The following MYO3B variants were observed in gnomAD, a reference collection of about 807,000 sequenced individuals.
MYO3B encodes myosin-IIIb.
In MYO3B, 156 loss-of-function variants were observed where a neutral mutation model predicts 174.6. The ratio of observed to expected loss-of-function variants is 0.89; its 90% CI spans 0.78 to 1.02. The LOEUF is 1.02. Ranked by LOEUF, MYO3B falls within the 50% of genes least tolerant of loss-of-function variation. MYO3B has a pLI of 0.00. For missense variants in MYO3B, 1,632 were observed against 1,639.4 expected (o/e 1.00, Z 0.08); for synonymous variants, 563 against 569.1 (o/e 0.99, Z 0.15).
intron 32 of MYO3B, chr2:170,643,659 C>A (rs1376985747): frequency 1.3e-5 from 2 of 152,196 alleles, no homozygotes; most frequent in African/African-American, 4.8e-5. Context: ...CCTGAGAACG[C>A]CTCATCCACA....
In MYO3B at chr2:170,454,214, A is replaced by C. The variant is rs572276024; in HGVS notation, c.2731-9154A>C. Among the ~76,000 whole-genome samples, 10 of 152,300 alleles carry C rather than the reference A, an allele frequency of 6.6e-5. No homozygotes were observed. In the South Asian group the frequency reaches 2.1e-3, roughly 32 times the overall value. Reference sequence around the variant, plus strand: ...CCAGAATCTTCCTGATTGAGGAGAAATCTCTGGAACCAAGACTCTTCTTAC... The same window carrying C: ...CCAGAATCTTCCTGATTGAGGAGAACTCTCTGGAACCAAGACTCTTCTTAC... On this transcript the variant is annotated intron_variant, in intron 23 of 34. Coordinates refer to ENST00000408978, the MANE Select transcript of MYO3B (RefSeq NM_138995.5).
At chr2:170,319,382 A>G (rs1370399344) in intron 7 of MYO3B, among the ~76,000 whole-genome samples, 1 of 152,188 alleles carries the variant, frequency 6.6e-6, no homozygotes, top group Non-Finnish European at 1.5e-5. Context: ...TAATTGTTGA[A>G]ATGAAAAAAA....
At chr2:170,404,095 T>C (rs1234838057) in intron 19 of MYO3B, 152 bp from the exon 20 acceptor site, 1 of 731,244 alleles carries the variant, frequency 1.4e-6, no homozygotes, top group East Asian at 2.7e-5. Flanking sequence ...AATGGTGTTA[T>C]ATGCAGAAGA....
At chr2:170,332,366 G>A (rs1003201210) in intron 7 of MYO3B, 8 of 152,034 alleles carry the variant, frequency 5.3e-5, no homozygotes, top group Non-Finnish European at 1.0e-4. Context: ...GAAGAGAATA[G>A]GGAGAAAAAC....
Position 170,236,144 on chromosome 2 carries a change from A to T in MYO3B, c.749+8A>T, listed in dbSNP as rs1325739443. The T allele has an allele frequency of 6.2e-7, 1 of 1,614,176 alleles. No homozygotes were observed. Among genetic ancestry groups the T allele is most frequent in the Non-Finnish European group, 8.5e-7 (1 of 1,180,006 alleles). On this transcript the variant is annotated splice_region_variant and intron_variant, in intron 7 of 34. Coordinates refer to ENST00000408978, the MANE Select transcript of MYO3B (RefSeq NM_138995.5). The stretch of plus-strand genomic sequence containing the variant: ...ACTCTTTAAGATTCCAAGGTAAGAC[A>T]CAAGATGGCGCTCTTGACTCATTAG...
chr2:170,251,734 T>C (rs2093255719), intron 7 of MYO3B, among the ~76,000 whole-genome samples: 1 of 152,206 alleles, frequency 6.6e-6, no homozygotes, highest in Non-Finnish European at 1.5e-5. Flanking sequence ...AGACAATAAA[T>C]TTCTGTTTTT....
At chr2:170,634,861 A>G (rs889717459) in intron 32 of MYO3B, among the ~76,000 whole-genome samples, 1 of 152,280 alleles carries the variant, frequency 6.6e-6, no homozygotes, top group Non-Finnish European at 1.5e-5. Context: ...AGACACATGA[A>G]AAAATGCTGA....
At chr2:170,295,136 A>C (rs1403864172) in intron 7 of MYO3B, among the ~76,000 whole-genome samples, 2 of 151,708 alleles carry the variant, frequency 1.3e-5, no homozygotes, top group African/African-American at 4.8e-5. Context: ...TATCTTATTA[A>C]ATCTCCCTCC....
intron 32 of MYO3B, among the ~76,000 whole-genome samples, chr2:170,544,903 G>T (rs1240501318): frequency 1.3e-5 from 2 of 152,114 alleles, no homozygotes; most frequent in Admixed American, 1.3e-4. Context: ...AATGAAGTGG[G>T]GGTAAAAGTA....
chr2:170,253,738 A>T (rs1308811074), intron 7 of MYO3B, among the ~76,000 whole-genome samples: 2 of 152,134 alleles, frequency 1.3e-5, no homozygotes, highest in African/African-American at 4.8e-5. Flanking sequence ...TAAGGGTAGT[A>T]TTCCAGAGGC....
intron 27 of MYO3B, 94 bp downstream of exon 27, chr2:170,499,902 C>T (rs1479946451): frequency 2.0e-6 from 2 of 994,254 alleles, no homozygotes; most frequent in Admixed American, 2.5e-5. Flanking sequence ...AAGTGGTTTC[C>T]CTCCCTCCCT....
chr2:170,266,020 A>G (rs2093380721), intron 7 of MYO3B, among the ~76,000 whole-genome samples: 1 of 152,178 alleles, frequency 6.6e-6, no homozygotes, highest in South Asian at 2.1e-4. Context: ...CTGTCAAGGC[A>G]AAAAGGAAAA....
At chr2:170,261,793 T>C (rs892302478) in intron 7 of MYO3B, among the ~76,000 whole-genome samples, 16 of 152,346 alleles carry the variant, frequency 1.1e-4, no homozygotes, top group Non-Finnish European at 1.9e-4. Context: ...TTTTGGCTGA[T>C]GGTACAAATG....
At chr2:170,220,653 A>AAAAAT (rs1553564289) in intron 6 of MYO3B, among the ~76,000 whole-genome samples, 1 of 141,098 alleles carries the variant, frequency 7.1e-6, no homozygotes, top group African/African-American at 2.7e-5. Context: ...AAAAAAAAAA[A>AAAAAT]ATGGAGTGTT....
At chr2:170,459,929 G>T (rs149796548) in intron 23 of MYO3B, among the ~76,000 whole-genome samples, 2 of 152,060 alleles carry the variant, frequency 1.3e-5, no homozygotes, top group Admixed American at 6.5e-5. Flanking sequence ...GTGCAGGGCC[G>T]ACTGAGCCTG....
At chr2:170,649,535 A>ATATC (rs1331064421) in intron 32 of MYO3B, among the ~76,000 whole-genome samples, 1 of 147,350 alleles carries the variant, frequency 6.8e-6, no homozygotes, top group Non-Finnish European at 1.5e-5. Context: ...AAGAAAGGCA[A>ATATC]TATCTTATAA....
intron 25 of MYO3B, among the ~76,000 whole-genome samples, chr2:170,489,507 A>T (rs1686294261): frequency 6.6e-6 from 1 of 152,234 alleles, no homozygotes; most frequent in Non-Finnish European, 1.5e-5. Context: ...TCTACCATTT[A>T]TGGTTTTGCA....
chr2:170,533,271 C>T (rs911465748), intron 30 of MYO3B, among the ~76,000 whole-genome samples: 1 of 152,164 alleles, frequency 6.6e-6, no homozygotes, highest in Non-Finnish European at 1.5e-5. Context: ...CCTCCTCTCA[C>T]GCCCCCTCCC....
rs1486887879 is a variant in MYO3B, at chr2:170,424,120, C to T, written c.2650+16276C>T. Among the ~76,000 whole-genome samples the T allele has an allele frequency of 2.0e-5, 3 of 152,158 alleles. No homozygotes were observed. The East Asian group carries it at 5.8e-4, about 29-fold the overall frequency. ...ATACCAAGAGATGGCTCCCGTGTAC[C>T]AGACATCCAAAATCAGTGAGATCCT... On this transcript the variant is annotated intron_variant, in intron 22 of 34. Transcript: ENST00000408978.
Sources: allele counts gnomAD v4.1 joint callset (sites outside exome capture counted in the v4.1 genomes callset), GRCh38; gene constraint gnomAD v4.1.1; transcripts MANE v1.5; gene names NCBI Gene and HGNC (gene_info 2026-07-23, HGNC 2026-07-21).